The following DYNC2H1 variants were observed in gnomAD, a reference collection of about 807,000 sequenced individuals.
The protein encoded by DYNC2H1 is dynein cytoplasmic 2 heavy chain 1, also known as cytoplasmic dynein 2 heavy chain 1.
Under a neutral mutation model 570.0 loss-of-function variants are expected in DYNC2H1, and 410 were observed. That is an observed-to-expected ratio of 0.72 (90% CI 0.66 to 0.78). The LOEUF (loss-of-function observed/expected upper bound fraction) is 0.78, where lower values mean the gene tolerates loss of function less well. DYNC2H1 is among the 30% of genes least tolerant of loss of function. The pLI, the probability that DYNC2H1 is intolerant of heterozygous loss-of-function variation, is 0.00. For missense variants in DYNC2H1, 4,865 were observed against 5,046.4 expected (o/e 0.96, Z 1.09); for synonymous variants, 1,688 against 1,677.6 (o/e 1.01, Z -0.15).
At chr11:103,297,522 C>A (rs1265817880) in intron 75 of DYNC2H1, among the ~76,000 whole-genome samples, 3 of 152,092 alleles carry the variant, frequency 2.0e-5, no homozygotes, top group Non-Finnish European at 4.4e-5. Context: ...TGTAGTATAA[C>A]TTATTGCTCT....
chr11:103,381,580 C>T (rs1941650699), intron 83 of DYNC2H1, among the ~76,000 whole-genome samples: 1 of 152,170 alleles, frequency 6.6e-6, no homozygotes, highest in African/African-American at 2.4e-5. Flanking sequence ...TCCCGCGTAG[C>T]TGGGATTACA....
At chr11:103,279,411 G>T (rs990851348) in intron 70 of DYNC2H1, among the ~76,000 whole-genome samples, 2 of 152,070 alleles carry the variant, frequency 1.3e-5, no homozygotes, top group South Asian at 4.2e-4. Context: ...TAAGACTACC[G>T]GCAGTGGAAT....
chr11:103,234,184 AG>A (rs1250975455), intron 61 of DYNC2H1, 24 bp downstream of exon 61: 1 of 1,572,598 alleles, frequency 6.4e-7, no homozygotes, highest in African/African-American at 1.4e-5. Context: ...AGGGGCCATG[AG>A]GAGTCTACCT....
intron 70 of DYNC2H1, among the ~76,000 whole-genome samples, chr11:103,263,434 A>G (rs1865392348): frequency 6.6e-6 from 1 of 152,202 alleles, no homozygotes; most frequent in Non-Finnish European, 1.5e-5. Flanking sequence ...CATCACACTT[A>G]TTCTAAAATT....
At chr11:103,372,496 G>A (rs1436427074) in intron 83 of DYNC2H1, among the ~76,000 whole-genome samples, 1 of 152,024 alleles carries the variant, frequency 6.6e-6, no homozygotes. Flanking sequence ...ATGATCATGT[G>A]GCTTTTGTCC....
intron 21 of DYNC2H1, among the ~76,000 whole-genome samples, chr11:103,152,770 G>A (rs949637399): frequency 7.2e-5 from 11 of 152,110 alleles, no homozygotes; most frequent in African/African-American, 2.7e-4. Flanking sequence ...TGTCCAGGAT[G>A]GGTTATTCAG....
intron 6 of DYNC2H1, among the ~76,000 whole-genome samples, chr11:103,118,277 A>T (rs970096594): frequency 2.0e-5 from 3 of 152,070 alleles, no homozygotes; most frequent in African/African-American, 7.2e-5. Context: ...GGACAGGCAA[A>T]ATGAGATTAC....
Position 103,309,168 on chromosome 11 carries a change from ATTTTTTTT to A in DYNC2H1, c.11493+1354_11493+1361del, listed in dbSNP as rs386374721. On this transcript the variant is annotated intron_variant, in intron 78 of 88. Transcript: ENST00000375735. ...TTATTAGTGTTTGTAACTGCATGCT[ATTTTTTTT>A]TTTTTTTTTTTTTTTTGAGATGGGG... Among the ~76,000 whole-genome samples the A allele has an allele frequency of 1.5e-4, 8 of 54,644 alleles. No individual in the cohort carries two copies. In the South Asian group the frequency reaches 2.8e-3, roughly 19 times the overall value. The allele number at this position is 54,644 out of a possible 152,430, so 35.8% of individuals were successfully genotyped here. A position where few individuals can be genotyped will look rare whatever the true frequency, so the allele number is the denominator to read the frequency against.
At chr11:103,211,394 G>A (rs934982388) in intron 53 of DYNC2H1, among the ~76,000 whole-genome samples, 1 of 152,066 alleles carries the variant, frequency 6.6e-6, no homozygotes, top group African/African-American at 2.4e-5. Flanking sequence ...TCAAATGGGA[G>A]TGGATAGGTA....
intron 83 of DYNC2H1, among the ~76,000 whole-genome samples, chr11:103,374,838 G>A (rs981429878): frequency 2.0e-5 from 3 of 152,260 alleles, no homozygotes; most frequent in South Asian, 2.1e-4. Context: ...GCAGTCTGAC[G>A]ATGCAGTAGA....
intron 82 of DYNC2H1, among the ~76,000 whole-genome samples, chr11:103,335,657 G>A (rs1021987858): frequency 1.3e-5 from 2 of 152,062 alleles, no homozygotes; most frequent in Non-Finnish European, 1.5e-5. Context: ...ATTCCAGATA[G>A]CTTCACTTAA....
chr11:103,154,194 ACTT>A (rs1196226501), intron 22 of DYNC2H1, among the ~76,000 whole-genome samples: 1 of 151,862 alleles, frequency 6.6e-6, no homozygotes, highest in East Asian at 1.9e-4. Context: ...CTCAGTTTTG[ACTT>A]CTTTGGAAAA....
In DYNC2H1 at chr11:103,399,719, A is replaced by G. The variant is rs374668856; in HGVS notation, c.12213A>G (p.Pro4071=). The G allele has an allele frequency of 1.9e-5, 31 of 1,613,736 alleles. No individual in the cohort carries two copies. The highest frequency in any genetic ancestry group is 2.5e-5 in the Non-Finnish European group (30 of 1,179,824). ...VPPPNDRQGS[P]ILSFIILEQF... ...CTCCTAACGATCGACAAGGATCTCC[A>G]ATACTGTCATTCATCATTCTTGAAC... The change falls in exon 84 of 89, where the codon CCA becomes CCG. Residue 4071 remains proline (P), a synonymous_variant. Coordinates refer to ENST00000375735, the MANE Select transcript of DYNC2H1 (RefSeq NM_001377.3).
chr11:103,187,706 A>G, intron 43 of DYNC2H1, 120 bp downstream of exon 43: 2 of 1,245,654 alleles, frequency 1.6e-6, no homozygotes, highest in South Asian at 1.5e-5. Context: ...TGTCATGGAA[A>G]TTAAACTCCT....
At chr11:103,408,616 A>G (rs2514395) in intron 84 of DYNC2H1, among the ~76,000 whole-genome samples, 77,640 of 151,788 alleles carry the variant, frequency 0.51, 20,182 homozygotes, top group African/African-American at 0.62. Flanking sequence ...CTCAGATCAC[A>G]TAGGACTTTA....
In DYNC2H1 at chr11:103,453,615, CATATATATAT is replaced by C. The variant is rs66628059; in HGVS notation, c.12457-1553_12457-1544del. Among the ~76,000 whole-genome samples the C allele has an allele frequency of 2.9e-4, 39 of 136,608 alleles. 1 individual carries two copies. Among genetic ancestry groups the C allele is most frequent in the African/African-American group, 1.1e-3 (39 of 34,800 alleles). 89.6% of individuals were successfully genotyped at this position (136,608 alleles called of 152,430 possible). Reference sequence around the variant, plus strand: ...TGATTATCAGCCATGTTAGTTTAGACATATATATATATATATATATATATATACACACATT... The same window carrying C: ...TGATTATCAGCCATGTTAGTTTAGACATATATATATATATATACACACATT... On this transcript the variant is annotated intron_variant, in intron 85 of 88. Transcript: ENST00000375735.
intron 84 of DYNC2H1, among the ~76,000 whole-genome samples, chr11:103,423,945 C>T (rs1186183810): frequency 6.6e-6 from 1 of 151,978 alleles, no homozygotes; most frequent in Admixed American, 6.6e-5. Flanking sequence ...AAATTAAGAA[C>T]TTAATTCCAC....
At chr11:103,386,311 T>C (rs998069410) in intron 83 of DYNC2H1, among the ~76,000 whole-genome samples, 6 of 152,264 alleles carry the variant, frequency 3.9e-5, no homozygotes, top group South Asian at 4.1e-4. Context: ...TTATGTGGTA[T>C]TGGAATTATT....
intron 52 of DYNC2H1, among the ~76,000 whole-genome samples, chr11:103,206,206 A>AG (rs754974016): frequency 5.5e-4 from 83 of 152,288 alleles, no homozygotes; most frequent in Non-Finnish European, 7.6e-4. Flanking sequence ...ACAGAAAGTG[A>AG]GGGGTCAATG....
Sources: gnomAD v4.1 joint callset for allele counts (sites outside exome capture counted in the v4.1 genomes callset) on GRCh38, gnomAD v4.1.1 for gene constraint, MANE v1.5 for transcripts, NCBI Gene and HGNC (gene_info 2026-07-23, HGNC 2026-07-21) for gene names.